The following XPNPEP2 variants were observed in gnomAD, a reference collection of about 807,000 sequenced individuals.
The protein encoded by XPNPEP2 is X-prolyl aminopeptidase 2, also known as xaa-Pro aminopeptidase 2.
In XPNPEP2, 64 loss-of-function variants were observed where a neutral mutation model predicts 59.8. The ratio of observed to expected loss-of-function variants is 1.07; its 90% CI spans 0.87 to 1.32. XPNPEP2 has a LOEUF of 1.32. Ranked by LOEUF, XPNPEP2 falls within the 40% of genes most tolerant of loss-of-function variation. The pLI, the probability that XPNPEP2 is intolerant of heterozygous loss-of-function variation, is 0.00. For missense variants in XPNPEP2, 575 were observed against 546.8 expected (o/e 1.05, Z -0.51); for synonymous variants, 235 against 210.0 (o/e 1.12, Z -1.03).
intron 7 of XPNPEP2, 29 bp downstream of exon 7, chrX:129,747,782 A>C: frequency 2.5e-6 from 3 of 1,211,238 alleles, no homozygotes; most frequent in Non-Finnish European, 2.2e-6. Context: ...TTTCCTTCCC[A>C]ACTTGTAGCA....
Position 129,762,044 on chromosome X carries a change from A to G in XPNPEP2, c.1642A>G (p.Lys548Glu), listed in dbSNP as rs754096226. The part of the protein sequence containing the change: ...GFQSNNIAMA[K>E]GMFTSIEPGY... ...CCAGTCCAACAACATCGCTATGGCC[A>G]AGGGCATGTTCACTTCCATTGGTAT... The change falls in exon 18 of 21, where the codon AAG becomes GAG. Residue 548 changes from lysine to glutamate, a missense_variant. Coordinates refer to ENST00000371106, the MANE Select transcript of XPNPEP2 (RefSeq NM_003399.6). 3.3e-6 allele frequency: 4 copies of G among 1,211,833 alleles called. No homozygotes were observed. The South Asian group carries it at 5.3e-5, about 16-fold the overall frequency.
rs1926261626 is a variant in XPNPEP2, at chrX:129,744,671, G to T, written c.235-532G>T. Among the ~76,000 whole-genome samples, 4 of 112,239 alleles carry T rather than the reference G, an allele frequency of 3.6e-5. No individual in the cohort carries two copies. In the South Asian group the frequency reaches 1.5e-3, roughly 41 times the overall value. On this transcript the variant is annotated intron_variant, in intron 3 of 20. Coordinates refer to ENST00000371106, the MANE Select transcript of XPNPEP2 (RefSeq NM_003399.6). Reference sequence around the variant, plus strand: ...TGCTGGGAAGGGCTAAGAACGTTGGGTAAGTATCTGAACTTCCCTGAGCCT... The same window carrying T: ...TGCTGGGAAGGGCTAAGAACGTTGGTTAAGTATCTGAACTTCCCTGAGCCT...
chrX:129,754,814 G>A (rs184915194), intron 12 of XPNPEP2, among the ~76,000 whole-genome samples: 2 of 111,218 alleles, frequency 1.8e-5, no homozygotes, highest in East Asian at 5.7e-4. Context: ...AACTCGAAGG[G>A]CCACAACCCA....
At chrX:129,754,785 G>A (rs1443162713) in intron 12 of XPNPEP2, among the ~76,000 whole-genome samples, 2 of 110,892 alleles carry the variant, frequency 1.8e-5, no homozygotes, top group Admixed American at 9.5e-5. Context: ...GATATTTCCC[G>A]CCCCGCTGAA....
At chrX:129,745,308 C>T in intron 4 of XPNPEP2, 42 bp downstream of exon 4, 2 of 1,199,470 alleles carry the variant, frequency 1.7e-6, no homozygotes, top group Non-Finnish European at 2.3e-6. Flanking sequence ...GTTGGTAGAT[C>T]CAGAGGTGGT....
chrX:129,742,240 T>A, intron 2 of XPNPEP2, 59 bp downstream of exon 2: 2 of 441,968 alleles, frequency 4.5e-6, no homozygotes, highest in Non-Finnish European at 3.2e-6. Flanking sequence ...CCCCCACCCC[T>A]GCCCCACGCA....
intron 2 of XPNPEP2, among the ~76,000 whole-genome samples, chrX:129,742,905 A>C (rs749868470): frequency 1.2e-4 from 13 of 111,395 alleles, no homozygotes; most frequent in Non-Finnish European, 1.9e-4. Context: ...CTGTCTCAAA[A>C]ACAAAACAAA....
rs770538533 is a variant in XPNPEP2 at position 129,766,685 on chromosome X, T to C, written c.1741-918T>C. 1.5e-3 allele frequency among the ~76,000 whole-genome samples: 172 copies of C among 111,734 alleles called. 1 individual carries two copies. Among genetic ancestry groups the C allele is most frequent in the Non-Finnish European group, 1.9e-3 (103 of 53,140 alleles). On this transcript the variant is annotated intron_variant, in intron 19 of 20. Transcript: ENST00000371106. ...ATGGACACCACCATGCTCAGCTAAT[T>C]TTTGTGTTTTTTTGTAGAGACTGGT...
intron 18 of XPNPEP2, 138 bp downstream of exon 18, chrX:129,762,203 C>T: frequency 1.6e-6 from 1 of 624,025 alleles, no homozygotes; most frequent in Non-Finnish European, 2.6e-6. Flanking sequence ...CCCATTCCCA[C>T]CGCTACGCCC....
intron 19 of XPNPEP2, among the ~76,000 whole-genome samples, chrX:129,764,655 C>CAAA (rs36050746): frequency 1.1e-3 from 86 of 80,139 alleles, no homozygotes; most frequent in African/African-American, 3.8e-3. Context: ...AACTCTGTCT[C>CAAA]AAAAAAAAAA....
At chrX:129,747,476 G>A in intron 6 of XPNPEP2, 131 bp from the exon 7 acceptor site, 1 of 934,153 alleles carries the variant, frequency 1.1e-6, no homozygotes, top group Non-Finnish European at 1.5e-6. Context: ...TGGGCAGGCT[G>A]CTGGGGCAGG....
intron 1 of XPNPEP2, among the ~76,000 whole-genome samples, 186 bp from the exon 2 acceptor site, chrX:129,741,922 C>G (rs1339611337): frequency 2.3e-4 from 26 of 112,352 alleles, no homozygotes; most frequent in African/African-American, 8.4e-4. Context: ...GATTGTGACC[C>G]AGGGTGCTAT....
chrX:129,742,133 AGTGGACCTTGGAGGGCAGGAT>A lies in XPNPEP2; in HGVS notation c.79_99del (p.Asp27_Val33del). 8.3e-7 allele frequency: 1 copy of A among 1,210,400 alleles called. No individual in the cohort carries two copies. The highest frequency in any genetic ancestry group is 1.1e-6 in the Non-Finnish European group (1 of 894,694). On this transcript the variant is annotated inframe_deletion, in exon 2 of 21. Coordinates refer to ENST00000371106, the MANE Select transcript of XPNPEP2 (RefSeq NM_003399.6). Reference sequence around the variant, plus strand: ...CTTGTGCCTGGGGCCACACAAAGCCAGTGGACCTTGGAGGGCAGGATGTGAGAAACTGTTCCACCAACCCCC... The same window carrying A: ...CTTGTGCCTGGGGCCACACAAAGCCAGTGAGAAACTGTTCCACCAACCCCC...
At chrX:129,760,715 T>G in intron 16 of XPNPEP2, 134 bp downstream of exon 16, 2 of 690,814 alleles carry the variant, frequency 2.9e-6, no homozygotes, top group Admixed American at 6.2e-5. Flanking sequence ...AAATCCAGCC[T>G]AGAGAGAGAA....
intron 1 of XPNPEP2, among the ~76,000 whole-genome samples, chrX:129,741,479 C>A (rs1240523211): frequency 8.9e-6 from 1 of 112,295 alleles, no homozygotes; most frequent in Non-Finnish European, 1.9e-5. Flanking sequence ...TCACAAATAT[C>A]AAATGAGATA....
chrX:129,767,088 T>C (rs906172341), intron 19 of XPNPEP2, among the ~76,000 whole-genome samples: 1 of 110,332 alleles, frequency 9.1e-6, no homozygotes, highest in African/African-American at 3.3e-5. Context: ...GTGGTGCCCA[T>C]CAATAATCCC....
intron 14 of XPNPEP2, among the ~76,000 whole-genome samples, chrX:129,757,891 GAGAGAA>G (rs779592327): frequency 0.047 from 3,172 of 67,431 alleles, 70 homozygotes; most frequent in African/African-American, 0.067. Context: ...GAGAGAGAGA[GAGAGAA>G]AGAAAGAAAG....
chrX:129,745,658 GACA>G (rs1416908366), intron 4 of XPNPEP2, among the ~76,000 whole-genome samples: 1 of 111,590 alleles, frequency 9.0e-6, no homozygotes, highest in Non-Finnish European at 1.9e-5. Context: ...TTGTTTTACG[GACA>G]ACATCACTTC....
intron 16 of XPNPEP2, 59 bp downstream of exon 16, chrX:129,760,640 C>T: frequency 2.7e-6 from 3 of 1,126,195 alleles, no homozygotes; most frequent in Non-Finnish European, 3.6e-6. Flanking sequence ...AGGACTCAGA[C>T]CATCACCCTG....
Sources: gnomAD v4.1 joint callset for allele counts (sites outside exome capture counted in the v4.1 genomes callset) on GRCh38, gnomAD v4.1.1 for gene constraint, MANE v1.5 for transcripts, NCBI Gene and HGNC (gene_info 2026-07-23, HGNC 2026-07-21) for gene names.